KIF15: variants seen among roughly 807,000 people sequenced by gnomAD.
KIF15 encodes the protein kinesin family member 15.
In KIF15, 140 loss-of-function variants were observed where a neutral mutation model predicts 190.6. The ratio of observed to expected loss-of-function variants is 0.73; its 90% CI spans 0.64 to 0.84. The LOEUF is 0.84. Ranked by LOEUF, KIF15 falls within the 40% of genes least tolerant of loss-of-function variation. The pLI, the probability that KIF15 is intolerant of heterozygous loss-of-function variation, is 0.00. For missense variants in KIF15, 1,372 were observed against 1,584.4 expected, an observed-to-expected ratio of 0.87 and a Z score of 2.28; for synonymous variants, 528 against 551.3, an observed-to-expected ratio of 0.96 and a Z score of 0.59.
At chr3:44,836,823 T>A (rs73076583) in intron 26 of KIF15, among the ~76,000 whole-genome samples, 1 of 152,318 alleles carries the variant, frequency 6.6e-6, no homozygotes, top group Non-Finnish European at 1.5e-5. Flanking sequence ...TCTCCCTGAC[T>A]GACTAAAATT....
chr3:44,864,891 TTGA>T lies in KIF15; in HGVS notation c.*60-8434_*60-8432del. ...TGCAGGGGAGATTGAATAGAGTGAC[TTGA>T]TGAAGGTGACAGCTAGGTTTCAAGC... On this transcript the variant is annotated intron_variant and NMD_transcript_variant, in intron 6 of 6. Coordinates refer to the KIF15 transcript ENST00000422209. 3.0e-6 allele frequency: 3 copies of T among 992,944 alleles called. No individual in the cohort carries two copies. In the South Asian group the frequency reaches 4.9e-5, roughly 16 times the overall value. The allele number at this position is 992,944 out of a possible 1,614,324, so 61.5% of individuals were successfully genotyped here. A position where few individuals can be genotyped will look rare whatever the true frequency, so the allele number is the denominator to read the frequency against.
intron 30 of KIF15, among the ~76,000 whole-genome samples, chr3:44,847,517 A>G (rs1698900890): frequency 6.6e-6 from 1 of 152,154 alleles, no homozygotes; most frequent in South Asian, 2.1e-4. Context: ...GAAAATGCCA[A>G]CTGACTATGG....
intron 19 of KIF15, chr3:44,813,392 G>A (rs2125661124): frequency 5.2e-6 from 2 of 384,140 alleles, no homozygotes; most frequent in South Asian, 4.6e-5. Flanking sequence ...ACAAACAAAT[G>A]ATACAAATGT....
At position 44,802,844 on chromosome 3, in the gene KIF15, G is replaced by A. The variant is rs1160357759; in HGVS notation, c.1540G>A (p.Ala514Thr). ...GCACCACCCCAGAGTTGCAAAGTAT[G>A]CTATGGAAAATCATTCCCTCAGGGA... Reference protein sequence around the residue: ...IEHHPRVAKYAMENHSLREEN... With the variant: ...IEHHPRVAKYTMENHSLREEN... Residue 514 changes from alanine to threonine, a missense_variant, in exon 14 of 35, where the codon GCT (alanine) becomes ACT (threonine). Physicochemically the swap from Ala to Thr is moderately conservative, Grantham distance 58 (BLOSUM62 0). Transcript: ENST00000326047. 1.9e-6 allele frequency: 3 copies of A among 1,596,696 alleles called. No homozygotes were observed. The highest frequency in any genetic ancestry group is 1.8e-5 in the Admixed American group (1 of 54,256).
At chr3:44,847,878 T>G in intron 30 of KIF15, 107 bp from the exon 31 acceptor site, 1 of 761,516 alleles carries the variant, frequency 1.3e-6, no homozygotes, top group South Asian at 1.8e-5. Context: ...CCTTTCTTTG[T>G]ACACCTTGGC....
intron 6 of KIF15, among the ~76,000 whole-genome samples, chr3:44,865,928 T>G (rs1037552757): frequency 1.4e-4 from 21 of 152,286 alleles, no homozygotes; most frequent in Admixed American, 1.4e-3. Flanking sequence ...GGAGACCTTG[T>G]TTTACTTGGG....
intron 10 of KIF15, chr3:44,799,409 T>C (rs1227473924): frequency 4.4e-6 from 2 of 451,014 alleles, no homozygotes; most frequent in East Asian, 7.0e-5. Flanking sequence ...ACAGAAGACC[T>C]TGGGGCTGTC....
downstream of KIF15, among the ~76,000 whole-genome samples, chr3:44,854,553 A>C (rs925895232): frequency 6.6e-6 from 1 of 152,354 alleles, no homozygotes; most frequent in East Asian, 1.9e-4. Context: ...AGACACTGCA[A>C]CTGCCTCAGA....
At chr3:44,825,176 C>T (rs1428672299) in intron 20 of KIF15, among the ~76,000 whole-genome samples, 1 of 152,158 alleles carries the variant, frequency 6.6e-6, no homozygotes, top group Non-Finnish European at 1.5e-5. Flanking sequence ...GTTGTTAAGT[C>T]CTGTGAATGA....
intron 7 of KIF15, among the ~76,000 whole-genome samples, chr3:44,792,106 T>C (rs1420729357): frequency 6.6e-6 from 1 of 152,198 alleles, no homozygotes; most frequent in Non-Finnish European, 1.5e-5. Flanking sequence ...TATGAATGTA[T>C]CAGATGTATT....
chr3:44,859,531 G>C (rs891575812), intron 6 of KIF15, among the ~76,000 whole-genome samples: 47 of 152,274 alleles, frequency 3.1e-4, no homozygotes, highest in African/African-American at 1.1e-3. Context: ...CAGGCATGAT[G>C]CACCCATAGT....
downstream of KIF15, among the ~76,000 whole-genome samples, chr3:44,854,432 G>A (rs1559599232): frequency 4.0e-5 from 6 of 151,360 alleles, no homozygotes; most frequent in African/African-American, 1.5e-4. Flanking sequence ...AAAACTGCAG[G>A]AAAAAATTGT....
chr3:44,866,867 C>T (rs960781692), intron 6 of KIF15, among the ~76,000 whole-genome samples: 7 of 152,218 alleles, frequency 4.6e-5, no homozygotes, highest in African/African-American at 1.7e-4. Flanking sequence ...TCAAATCCAC[C>T]ATGTCCAGTC....
chr3:44,805,280 TAGC>T (rs1450561210), intron 15 of KIF15, 112 bp downstream of exon 15: 3 of 950,680 alleles, frequency 3.2e-6, no homozygotes, highest in Admixed American at 2.6e-5. Context: ...TAAACTCTCA[TAGC>T]AGCAACTACT....
intron 27 of KIF15, among the ~76,000 whole-genome samples, chr3:44,840,137 C>T (rs1172570049): frequency 6.6e-6 from 1 of 152,188 alleles, no homozygotes; most frequent in East Asian, 1.9e-4. Flanking sequence ...AATTTACATT[C>T]CCAACAGTAT....
chr3:44,859,437 G>T (rs1334435017), intron 6 of KIF15, among the ~76,000 whole-genome samples: 3 of 152,136 alleles, frequency 2.0e-5, no homozygotes, highest in African/African-American at 7.2e-5. Context: ...GGCCAAGGTG[G>T]GTGGATCACT....
At chr3:44,845,222 A>G (rs1166612560) in intron 30 of KIF15, among the ~76,000 whole-genome samples, 2 of 152,216 alleles carry the variant, frequency 1.3e-5, no homozygotes, top group Non-Finnish European at 2.9e-5. Flanking sequence ...TCAGCCAGCC[A>G]GAGAGGTCAG....
intron 20 of KIF15, among the ~76,000 whole-genome samples, chr3:44,825,106 T>C (rs1697570728): frequency 6.6e-6 from 1 of 152,220 alleles, no homozygotes; most frequent in African/African-American, 2.4e-5. Flanking sequence ...ACCTTCTCAG[T>C]GTCTCCAGTT....
At chr3:44,867,134 T>A (rs1348910639) in intron 6 of KIF15, among the ~76,000 whole-genome samples, 1 of 152,150 alleles carries the variant, frequency 6.6e-6, no homozygotes, top group Non-Finnish European at 1.5e-5. Context: ...TTGCCTGACA[T>A]CACACAGCTG....
Sources: allele counts gnomAD v4.1 joint callset (sites outside exome capture counted in the v4.1 genomes callset), GRCh38; gene constraint gnomAD v4.1.1; transcripts MANE v1.5; gene names NCBI Gene and HGNC (gene_info 2026-07-23, HGNC 2026-07-21).